Variants in ZNF567 observed in about 807,000 individuals in gnomAD.
The protein encoded by ZNF567 is zinc finger protein 567.
Under a neutral mutation model 53.9 loss-of-function variants are expected in ZNF567, and 36 were observed. The observed-to-expected ratio is 0.67, with a 90% CI of 0.51 to 0.88. ZNF567 has a LOEUF of 0.88. ZNF567 is among the 40% of genes least tolerant of loss of function. ZNF567 has a pLI of 0.00. For missense variants in ZNF567, 619 were observed against 764.7 expected, an observed-to-expected ratio of 0.81 and a Z score of 2.25; for synonymous variants, 224 against 260.4, an observed-to-expected ratio of 0.86 and a Z score of 1.35.
rs755596394 is a variant in ZNF567 at position 36,712,783 on chromosome 19, TGTCACA to T, written c.140_145del (p.Cys47_Met49delinsLeu). On this transcript the variant is annotated inframe_deletion, in exon 5 of 6. Coordinates refer to ENST00000682579, the MANE Select transcript of ZNF567 (RefSeq NM_001322917.1). ...TAAGTCTTTTTTTCACTTTTCAGGG[TGTCACA>T]TGACCAAACCTGATGTGATCCTCAA... is the stretch of plus-strand genomic sequence containing the variant. 6.2e-7 allele frequency: 1 copy of T among 1,612,662 alleles called. No individual in the cohort carries two copies. Among genetic ancestry groups the T allele is most frequent in the South Asian group, 1.1e-5 (1 of 90,776 alleles).
At chr19:36,674,643 G>A in the ZNF567 span, among the ~76,000 whole-genome samples, 1 of 152,134 alleles carries the variant, frequency 6.6e-6, no homozygotes, top group Non-Finnish European at 1.5e-5. Context: ...TCTTCCCTGG[G>A]CAGAATACCC....
chr19:36,723,236 A>G (rs994765813), downstream of ZNF567: 1 of 702,958 alleles, frequency 1.4e-6, no homozygotes, highest in Non-Finnish European at 2.6e-6. Flanking sequence ...TCAACCCACC[A>G]AAGATTTGGG....
At chr19:36,705,470 A>C (rs991350337) in intron 3 of ZNF567, among the ~76,000 whole-genome samples, 1 of 152,168 alleles carries the variant, frequency 6.6e-6, no homozygotes, top group African/African-American at 2.4e-5. Context: ...TTAATTTCCA[A>C]ATATTTGGGG....
chr19:36,727,137 T>C (rs1246255815), downstream of ZNF567: 1 of 151,122 alleles, frequency 6.6e-6, no homozygotes, highest in Non-Finnish European at 1.5e-5. Context: ...AATGGTGCGA[T>C]CTCGGCTGAC....
chr19:36,674,964 G>C, the ZNF567 span, among the ~76,000 whole-genome samples: 1 of 152,106 alleles, frequency 6.6e-6, no homozygotes, highest in African/African-American at 2.4e-5. Flanking sequence ...TGTTGGCCAG[G>C]CTAGTCTCAA....
intron 5 of ZNF567, among the ~76,000 whole-genome samples, chr19:36,718,447 C>T (rs1246049270): frequency 1.3e-5 from 2 of 151,892 alleles, no homozygotes; most frequent in South Asian, 2.1e-4. Flanking sequence ...TGCAGTGAGC[C>T]GAGATCACGC....
chr19:36,679,365 T>C, the ZNF567 span, among the ~76,000 whole-genome samples: 1 of 152,180 alleles, frequency 6.6e-6, no homozygotes, highest in Non-Finnish European at 1.5e-5. Flanking sequence ...AGGTTAGTGT[T>C]GGTGAGGATG....
chr19:36,682,933 C>T (rs764635334), upstream of ZNF567, among the ~76,000 whole-genome samples: 13 of 151,382 alleles, frequency 8.6e-5, no homozygotes, highest in Admixed American at 3.3e-4. Context: ...AAAGCCAGCA[C>T]GCTATAATTT....
At chr19:36,708,187 G>A (rs995818920) in intron 3 of ZNF567, among the ~76,000 whole-genome samples, 1 of 152,172 alleles carries the variant, frequency 6.6e-6, no homozygotes, top group Non-Finnish European at 1.5e-5. Context: ...ACTGTGCCCA[G>A]CCCATCTTGT....
At chr19:36,713,639 A>T (rs2039899721) in intron 5 of ZNF567, among the ~76,000 whole-genome samples, 1 of 151,968 alleles carries the variant, frequency 6.6e-6, no homozygotes, top group Non-Finnish European at 1.5e-5. Context: ...AGACTTTTAA[A>T]TATCACTCTC....
At chr19:36,678,842 CTCTGTCTCA>C in the ZNF567 span, among the ~76,000 whole-genome samples, 3 of 108,082 alleles carry the variant, frequency 2.8e-5, no homozygotes, top group Non-Finnish European at 5.6e-5. Context: ...CAGAGTGAGA[CTCTGTCTCA>C]AAAAAAAAAA....
the ZNF567 span, chr19:36,668,824 T>C: frequency 1.6e-4 from 24 of 152,192 alleles, no homozygotes; most frequent in African/African-American, 5.3e-4. Context: ...CATTCATGTA[T>C]GTGAGATGGT....
chr19:36,671,959 C>T, the ZNF567 span, among the ~76,000 whole-genome samples: 1 of 152,246 alleles, frequency 6.6e-6, no homozygotes, highest in African/African-American at 2.4e-5. Flanking sequence ...CATCGTCCCC[C>T]CTCTTGCTAC....
the ZNF567 span, among the ~76,000 whole-genome samples, chr19:36,680,695 G>C: frequency 6.6e-6 from 1 of 152,144 alleles, no homozygotes; most frequent in South Asian, 2.1e-4. Flanking sequence ...AGCAGGGCTG[G>C]AGCGCTCCTA....
At chr19:36,682,102 C>T in the ZNF567 span, among the ~76,000 whole-genome samples, 1 of 151,442 alleles carries the variant, frequency 6.6e-6, no homozygotes, top group Admixed American at 6.6e-5. Flanking sequence ...ATAGTGAGAC[C>T]CCATCTCTAT....
intron 3 of ZNF567, among the ~76,000 whole-genome samples, 195 bp downstream of exon 3, chr19:36,695,071 C>T (rs547384985): frequency 1.3e-5 from 2 of 151,884 alleles, no homozygotes; most frequent in African/African-American, 2.4e-5. Flanking sequence ...CCAATGTTGA[C>T]ACATTAAGTG....
At chr19:36,695,969 C>T (rs942195452) in intron 3 of ZNF567, among the ~76,000 whole-genome samples, 16 of 152,274 alleles carry the variant, frequency 1.1e-4, no homozygotes, top group African/African-American at 3.8e-4. Context: ...TGATTGGCAA[C>T]TTGTACAAAA....
At chr19:36,682,101 C>A in the ZNF567 span, among the ~76,000 whole-genome samples, 1 of 151,956 alleles carries the variant, frequency 6.6e-6, no homozygotes, top group South Asian at 2.1e-4. Context: ...CATAGTGAGA[C>A]CCCATCTCTA....
downstream of ZNF567, among the ~76,000 whole-genome samples, chr19:36,725,252 G>C (rs995437363): frequency 2.6e-5 from 4 of 152,010 alleles, no homozygotes; most frequent in Non-Finnish European, 4.4e-5. Flanking sequence ...GCCCAGGCTG[G>C]AGTACAGTGG....
Sources: gnomAD v4.1 joint callset for allele counts (sites outside exome capture counted in the v4.1 genomes callset) on GRCh38, gnomAD v4.1.1 for gene constraint, MANE v1.5 for transcripts, NCBI Gene and HGNC (gene_info 2026-07-23, HGNC 2026-07-21) for gene names.